PCDHGA2: variants seen among roughly 807,000 people sequenced by gnomAD.
PCDHGA2 encodes protocadherin gamma-A2.
PCDHGA2 carries 40 observed loss-of-function variants against 59.2 expected under a neutral mutation model. The ratio of observed to expected loss-of-function variants is 0.68; its 90% CI spans 0.52 to 0.88. The LOEUF (loss-of-function observed/expected upper bound fraction) is 0.88, where lower values mean the gene tolerates loss of function less well. Among genes scored for constraint, PCDHGA2 ranks in the 40% least tolerant of loss-of-function variants. The pLI is 0.00. For missense variants in PCDHGA2, 1,226 were observed against 1,204.0 expected (o/e 1.02, Z -0.27); for synonymous variants, 560 against 526.0 (o/e 1.06, Z -0.89).
chr5:141,343,526 T>C (rs1249612516), intron 1 of PCDHGA2, among the ~76,000 whole-genome samples: 1 of 152,226 alleles, frequency 6.6e-6, no homozygotes, highest in Non-Finnish European at 1.5e-5. Flanking sequence ...AGTTCTTTGT[T>C]ACTGTGTGTT....
intron 1 of PCDHGA2, chr5:141,410,694 T>C: frequency 6.7e-7 from 1 of 1,493,788 alleles, no homozygotes; most frequent in Non-Finnish European, 8.9e-7. Context: ...TACTACTTTA[T>C]TTTCATATCT....
chr5:141,350,691 T>C lies in PCDHGA2; in HGVS notation c.2424+9296T>C, dbSNP rs556658161. 1.7e-5 allele frequency: 28 copies of C among 1,613,996 alleles called. 1 individual carries two copies. In the South Asian group the frequency reaches 2.9e-4, roughly 16 times the overall value. ...GACTTAGAAATTTGTGAGTCAGCCT[T>C]ACCCGGGGTAAAATTCTCTCTGGAT... On this transcript the variant is annotated intron_variant, in intron 1 of 3. Coordinates refer to ENST00000394576, the MANE Select transcript of PCDHGA2 (RefSeq NM_018915.4).
intron 1 of PCDHGA2, chr5:141,442,400 C>G (rs1478739190): frequency 6.6e-6 from 1 of 152,224 alleles, no homozygotes; most frequent in Admixed American, 6.5e-5. Context: ...TCCTACGAAT[C>G]CAGGGCTGAG....
intron 1 of PCDHGA2, chr5:141,398,979 C>T (rs769465343): frequency 1.9e-6 from 3 of 1,613,778 alleles, no homozygotes; most frequent in African/African-American, 1.3e-5. Context: ...TCTACAGAAC[C>T]GGGCAAATCT....
chr5:141,350,849 C>A, intron 1 of PCDHGA2: 1 of 1,614,064 alleles, frequency 6.2e-7, no homozygotes, highest in Non-Finnish European at 8.5e-7. Flanking sequence ...GGAAAAACCT[C>A]TAGACAGGGA....
Position 141,485,244 on chromosome 5 carries a change from T to G in PCDHGA2, c.2425-9563T>G. 5 of 1,614,168 alleles carry G rather than the reference T, an allele frequency of 3.1e-6. No individual in the cohort carries two copies. Among genetic ancestry groups the G allele is most frequent in the Non-Finnish European group, 4.2e-6 (5 of 1,180,006 alleles). On this transcript the variant is annotated intron_variant, in intron 1 of 3. Transcript: ENST00000394576. This position sits in a 1 kb window ranked among gnomAD's most constrained non-coding sequence, Gnocchi z 5.7. Reference sequence around the variant, plus strand: ...ACCCTTTTGTTCCTCTTTTACCACCTGGGTTACGTTTGTGGGCAGATCCGC... The same window carrying G: ...ACCCTTTTGTTCCTCTTTTACCACCGGGGTTACGTTTGTGGGCAGATCCGC...
At chr5:141,408,850 C>T (rs2095179070) in intron 1 of PCDHGA2, 2 of 1,613,554 alleles carry the variant, frequency 1.2e-6, no homozygotes, top group South Asian at 1.1e-5. Context: ...CTGCCTTGGA[C>T]GGAGGGGACC....
At chr5:141,509,507 T>G (rs2099877110) in intron 3 of PCDHGA2, among the ~76,000 whole-genome samples, 1 of 151,792 alleles carries the variant, frequency 6.6e-6, no homozygotes, top group African/African-American at 2.4e-5. Flanking sequence ...GATGTGACGG[T>G]GTTGATGATG....
intron 1 of PCDHGA2, chr5:141,422,889 G>A (rs62378455): frequency 0.035 from 55,863 of 1,614,202 alleles, 1,109 homozygotes; most frequent in Middle Eastern, 0.098. Context: ...TGTTCGTGCT[G>A]GACCAGAACG....
chr5:141,386,594 C>T (rs573192677), intron 1 of PCDHGA2, among the ~76,000 whole-genome samples: 2 of 151,204 alleles, frequency 1.3e-5, no homozygotes, highest in Non-Finnish European at 2.9e-5. Flanking sequence ...GTGGGGGATA[C>T]ATTTTTTTTT....
At chr5:141,500,340 C>A (rs188966393) in intron 2 of PCDHGA2, among the ~76,000 whole-genome samples, 92 of 152,066 alleles carry the variant, frequency 6.0e-4, no homozygotes, top group African/African-American at 2.1e-3. Flanking sequence ...TCCAGAATAG[C>A]TGGGACTACA....
At chr5:141,435,510 T>C (rs72790047) in intron 1 of PCDHGA2, among the ~76,000 whole-genome samples, 9,714 of 152,280 alleles carry the variant, frequency 0.064, 363 homozygotes, top group African/African-American at 0.099. Context: ...ATGATACTAA[T>C]GATGACTTTG....
At chr5:141,462,036 G>T (rs760555655) in intron 1 of PCDHGA2, among the ~76,000 whole-genome samples, 6 of 151,978 alleles carry the variant, frequency 3.9e-5, no homozygotes, top group Non-Finnish European at 8.8e-5. Flanking sequence ...TTGGTCAGGC[G>T]GGTCTTGAAC....
intron 2 of PCDHGA2, among the ~76,000 whole-genome samples, chr5:141,500,695 T>G (rs1214079801): frequency 1.3e-5 from 2 of 152,214 alleles, no homozygotes; most frequent in Admixed American, 6.5e-5. Flanking sequence ...TTTTTCTTCT[T>G]TGCAGTGTAT....
chr5:141,477,007 A>C lies in PCDHGA2; in HGVS notation c.2425-17800A>C, dbSNP rs891158982. The C allele has an allele frequency of 1.9e-6, 3 of 1,614,258 alleles. No individual in the cohort carries two copies. The Admixed American group carries it at 5.0e-5, about 27-fold the overall frequency. ...CCGGCGTGCGGCAACTATTCGCCTT[A>C]GACCTTGTAACCGGGATGCTGACAA... On this transcript the variant is annotated intron_variant, in intron 1 of 3. Coordinates refer to ENST00000394576, the MANE Select transcript of PCDHGA2 (RefSeq NM_018915.4). This position sits in a 1 kb window ranked among gnomAD's most constrained non-coding sequence, Gnocchi z 4.9.
intron 1 of PCDHGA2, chr5:141,478,557 G>A (rs1316386006): frequency 1.2e-6 from 2 of 1,600,016 alleles, no homozygotes; most frequent in Non-Finnish European, 1.7e-6. Context: ...GTAAGGTTTA[G>A]CAAGTCATGC....
chr5:141,477,671 G>A lies in PCDHGA2; in HGVS notation c.2425-17136G>A, dbSNP rs1022028453. The A allele has an allele frequency of 1.2e-6, 2 of 1,614,198 alleles. No individual in the cohort carries two copies. Among genetic ancestry groups the A allele is most frequent in the Non-Finnish European group, 1.7e-6 (2 of 1,180,048 alleles). Reference sequence around the variant, plus strand: ...CACAATAAATCGTGACAATGGCATAGTGTCATCCTTAGTGCCCCTAGACTA... The same window carrying A: ...CACAATAAATCGTGACAATGGCATAATGTCATCCTTAGTGCCCCTAGACTA... On this transcript the variant is annotated intron_variant, in intron 1 of 3. Coordinates refer to ENST00000394576, the MANE Select transcript of PCDHGA2 (RefSeq NM_018915.4). This position sits in a 1 kb window ranked among gnomAD's most constrained non-coding sequence, Gnocchi z 4.9.
chr5:141,429,232 G>T (rs938585192), intron 1 of PCDHGA2: 2 of 151,668 alleles, frequency 1.3e-5, no homozygotes, highest in Non-Finnish European at 2.9e-5. Flanking sequence ...TTATGATACT[G>T]CTGTCATTGA....
Position 141,477,833 on chromosome 5 carries a change from G to C in PCDHGA2, c.2425-16974G>C. Reference sequence around the variant, plus strand: ...CCCCCAGGTCCTATATCCTCGGCCAGGTGGGAGCTCGGTGGAGATGCTGCC... The same window carrying C: ...CCCCCAGGTCCTATATCCTCGGCCACGTGGGAGCTCGGTGGAGATGCTGCC... On this transcript the variant is annotated intron_variant, in intron 1 of 3. Transcript: ENST00000394576. This position sits in a 1 kb window ranked among gnomAD's most constrained non-coding sequence, Gnocchi z 4.9. The C allele has an allele frequency of 6.2e-7, 1 of 1,614,174 alleles. No individual in the cohort carries two copies.
Sources: allele counts gnomAD v4.1 joint callset (sites outside exome capture counted in the v4.1 genomes callset), GRCh38; gene constraint gnomAD v4.1.1; non-coding constraint Gnocchi (gnomAD v3.1); transcripts MANE v1.5; gene names NCBI Gene and HGNC (gene_info 2026-07-23, HGNC 2026-07-21).